INPP4B: variants seen among roughly 807,000 people sequenced by gnomAD.
The protein encoded by INPP4B is inositol polyphosphate 4-phosphatase type II.
Under a neutral mutation model 122.5 loss-of-function variants are expected in INPP4B, and 55 were observed. The ratio of observed to expected loss-of-function variants is 0.45; its 90% CI spans 0.36 to 0.56. The LOEUF is 0.56. Ranked by LOEUF, INPP4B falls within the 20% of genes least tolerant of loss-of-function variation. INPP4B has a pLI of 0.00. For synonymous variants in INPP4B, 403 were observed against 388.7 expected, an observed-to-expected ratio of 1.04 and a Z score of -0.43; for missense variants, 1,000 against 1,097.7, an observed-to-expected ratio of 0.91 and a Z score of 1.26.
intron 2 of INPP4B, among the ~76,000 whole-genome samples, chr4:142,618,459 G>A (rs567879022): frequency 5.9e-5 from 9 of 152,120 alleles, no homozygotes; most frequent in South Asian, 2.1e-4. Context: ...TTTGATAAAG[G>A]TGTCAAGGAT....
At chr4:142,772,037 T>C (rs1455298432) in intron 1 of INPP4B, among the ~76,000 whole-genome samples, 1 of 152,080 alleles carries the variant, frequency 6.6e-6, no homozygotes, top group Admixed American at 6.6e-5. Context: ...AGTTCTCTGA[T>C]CATGTTAAGT....
At chr4:142,108,270 TA>T in intron 22 of INPP4B, 80 bp from the exon 23 acceptor site, 1 of 735,424 alleles carries the variant, frequency 1.4e-6, no homozygotes, top group South Asian at 1.6e-5. Context: ...CCTTTTTAAA[TA>T]GATTAGAAAA....
intron 2 of INPP4B, among the ~76,000 whole-genome samples, chr4:142,626,516 G>C (rs976109631): frequency 1.3e-5 from 2 of 152,002 alleles, no homozygotes; most frequent in African/African-American, 4.8e-5. Context: ...ACAATCATAA[G>C]TAACTGGATT....
intron 17 of INPP4B, among the ~76,000 whole-genome samples, chr4:142,156,411 T>TCCCA (rs1817234813): frequency 6.6e-6 from 1 of 152,202 alleles, no homozygotes; most frequent in African/African-American, 2.4e-5. Context: ...AATCTTGGAA[T>TCCCA]CCCAGCTGCT....
intron 1 of INPP4B, among the ~76,000 whole-genome samples, chr4:142,836,892 G>A (rs1476809315): frequency 5.3e-5 from 8 of 152,110 alleles, no homozygotes; most frequent in Non-Finnish European, 8.8e-5. Flanking sequence ...GGGGCCAGGC[G>A]TGGTGGCTCA....
chr4:142,187,097 AT>A (rs201310210), intron 15 of INPP4B, among the ~76,000 whole-genome samples: 1 of 146,486 alleles, frequency 6.8e-6, no homozygotes, highest in Non-Finnish European at 1.5e-5. Context: ...GAAAAAAAAA[AT>A]GTACTCCCAA....
At position 142,145,845 on chromosome 4, in the gene INPP4B, G is replaced by C. The variant is rs1561280492; in HGVS notation, c.1715C>G (p.Pro572Arg). The C allele has an allele frequency of 6.2e-7, 1 of 1,612,384 alleles. No individual in the cohort carries two copies. The highest frequency in any genetic ancestry group is 8.5e-7 in the Non-Finnish European group (1 of 1,179,136). ...PSLTDAIPSHPREDWYEQLYP... is the reference protein window; with the variant it reads ...PSLTDAIPSHRREDWYEQLYP... Reference sequence around the variant, plus strand: ...GAAAAAAAATTATTTCTTACCTCTTGGGTGAGAGGGAATGGCATCTGTTAA... The same window carrying C: ...GAAAAAAAATTATTTCTTACCTCTTCGGTGAGAGGGAATGGCATCTGTTAA... The change falls in exon 18 of 26, where the codon CCA (proline) becomes CGA (arginine). Residue 572 changes from proline to arginine, a missense_variant. Transcript: ENST00000262992.
chr4:142,082,608 A>G (rs943285795), intron 24 of INPP4B, among the ~76,000 whole-genome samples: 3 of 152,244 alleles, frequency 2.0e-5, no homozygotes, highest in Non-Finnish European at 1.5e-5. Flanking sequence ...ATTGATTCAA[A>G]TCGTATATAG....
chr4:142,589,211 A>T (rs960648783), intron 2 of INPP4B, among the ~76,000 whole-genome samples: 1 of 152,040 alleles, frequency 6.6e-6, no homozygotes, highest in African/African-American at 2.4e-5. Flanking sequence ...AGAATATAAA[A>T]GCTATACTCG....
chr4:142,739,084 TA>T (rs1767515036), intron 1 of INPP4B, among the ~76,000 whole-genome samples: 2 of 152,058 alleles, frequency 1.3e-5, no homozygotes, highest in East Asian at 1.9e-4. Context: ...AATAACAAAA[TA>T]AAACCCTCAA....
At chr4:142,168,861 C>T (rs1824149534) in intron 16 of INPP4B, among the ~76,000 whole-genome samples, 1 of 151,534 alleles carries the variant, frequency 6.6e-6, no homozygotes, top group Non-Finnish European at 1.5e-5. Flanking sequence ...CTCCCAAACT[C>T]TAATCTCTGT....
At chr4:142,152,415 A>G (rs1814701265) in intron 17 of INPP4B, among the ~76,000 whole-genome samples, 1 of 151,832 alleles carries the variant, frequency 6.6e-6, no homozygotes, top group Admixed American at 6.6e-5. Context: ...CTATAAATGT[A>G]ATGACTATTA....
chr4:142,478,101 A>G (rs1433641576), intron 2 of INPP4B, among the ~76,000 whole-genome samples: 3 of 152,144 alleles, frequency 2.0e-5, no homozygotes, highest in South Asian at 4.1e-4. Context: ...CACCTGGCCA[A>G]TTCTACTGAT....
intron 2 of INPP4B, among the ~76,000 whole-genome samples, chr4:142,561,486 T>A (rs1730462582): frequency 6.6e-6 from 1 of 152,170 alleles, no homozygotes; most frequent in Non-Finnish European, 1.5e-5. Flanking sequence ...TGGCGCGATC[T>A]CAGCTCACTG....
At chr4:142,141,556 T>A (rs750381168) in intron 18 of INPP4B, among the ~76,000 whole-genome samples, 2 of 152,158 alleles carry the variant, frequency 1.3e-5, no homozygotes, top group Non-Finnish European at 2.9e-5. Context: ...CTATTATTTC[T>A]CTTCAGAACA....
At chr4:142,065,352 A>C (rs970709592) in intron 25 of INPP4B, among the ~76,000 whole-genome samples, 1 of 152,130 alleles carries the variant, frequency 6.6e-6, no homozygotes, top group African/African-American at 2.4e-5. Context: ...TAGTCTCTAC[A>C]AAAAGGAAAC....
chr4:142,599,433 C>CA (rs1213447714), intron 2 of INPP4B, among the ~76,000 whole-genome samples: 3 of 152,122 alleles, frequency 2.0e-5, no homozygotes, highest in African/African-American at 4.8e-5. Flanking sequence ...TTTACAGCCA[C>CA]AAAAAATCAT....
chr4:142,403,188 C>T (rs544643478), intron 6 of INPP4B, 134 bp from the exon 7 acceptor site: 7 of 653,692 alleles, frequency 1.1e-5, no homozygotes, highest in Non-Finnish European at 1.4e-5. Flanking sequence ...TAGAAGAGAT[C>T]TGAATTGTCA....
At chr4:142,601,779 C>A (rs1456255352) in intron 2 of INPP4B, among the ~76,000 whole-genome samples, 1 of 151,686 alleles carries the variant, frequency 6.6e-6, no homozygotes, top group African/African-American at 2.4e-5. Context: ...ACCATCCTGG[C>A]TAACATGGTG....
Sources: allele counts gnomAD v4.1 joint callset (sites outside exome capture counted in the v4.1 genomes callset), GRCh38; gene constraint gnomAD v4.1.1; transcripts MANE v1.5; gene names NCBI Gene and HGNC (gene_info 2026-07-23, HGNC 2026-07-21).